Variants in OPHN1 observed in about 807,000 individuals in gnomAD.
OPHN1 encodes the protein oligophrenin-1.
In OPHN1, 11 loss-of-function variants were observed where a neutral mutation model predicts 60.7. The observed-to-expected ratio is 0.18, with a 90% CI of 0.11 to 0.30. OPHN1 has a LOEUF of 0.30. Ranked by LOEUF, OPHN1 falls within the 10% of genes least tolerant of loss-of-function variation. OPHN1 has a pLI of 1.00. For synonymous variants in OPHN1, 226 were observed against 222.6 expected (o/e 1.02, Z -0.14); for missense variants, 449 against 611.0 (o/e 0.73, Z 2.80).
At chrX:68,163,238 T>C (rs766279194) in intron 15 of OPHN1, among the ~76,000 whole-genome samples, 5 of 111,815 alleles carry the variant, frequency 4.5e-5, no homozygotes, top group Non-Finnish European at 9.4e-5. Flanking sequence ...TAAAGTACTC[T>C]ACCTTGGATC....
chrX:68,108,895 A>C (rs907459564), intron 18 of OPHN1, among the ~76,000 whole-genome samples: 1 of 111,595 alleles, frequency 9.0e-6, no homozygotes, highest in Non-Finnish European at 1.9e-5. Context: ...GTATATAAGG[A>C]GGTATACTTA....
chrX:68,131,780 T>C (rs1272990561), intron 15 of OPHN1, among the ~76,000 whole-genome samples: 1 of 112,169 alleles, frequency 8.9e-6, no homozygotes, highest in Non-Finnish European at 1.9e-5. Context: ...ATAGAGACTA[T>C]ACTTCTCAGT....
chrX:68,382,838 A>G (rs900498335), intron 2 of OPHN1, among the ~76,000 whole-genome samples: 2 of 111,906 alleles, frequency 1.8e-5, no homozygotes, highest in African/African-American at 6.5e-5. Context: ...GTATCTATAG[A>G]TGAGTTGCAA....
intron 21 of OPHN1, among the ~76,000 whole-genome samples, chrX:68,061,864 G>A (rs774048219): frequency 9.0e-6 from 1 of 111,263 alleles, no homozygotes; most frequent in South Asian, 3.9e-4. Flanking sequence ...CCTCCCATCC[G>A]CACACTGAAT....
chrX:68,353,438 G>T (rs900059908), intron 2 of OPHN1, among the ~76,000 whole-genome samples: 3 of 104,226 alleles, frequency 2.9e-5, no homozygotes, highest in Non-Finnish European at 5.9e-5. Context: ...AAAAGCCATG[G>T]TGGCGGGTGC....
chrX:68,393,507 T>G (rs1263688666), intron 2 of OPHN1, among the ~76,000 whole-genome samples: 1 of 111,565 alleles, frequency 9.0e-6, no homozygotes, highest in Non-Finnish European at 1.9e-5. Flanking sequence ...AGAGATTCTG[T>G]CAATTTCTAC....
At chrX:68,235,669 C>A (rs1484737883) in intron 5 of OPHN1, among the ~76,000 whole-genome samples, 1 of 104,399 alleles carries the variant, frequency 9.6e-6, no homozygotes, top group East Asian at 3.1e-4. Flanking sequence ...GAAACCCCAT[C>A]TCTACTAAAA....
chrX:68,214,431 A>C (rs942337686), intron 6 of OPHN1, among the ~76,000 whole-genome samples: 1 of 112,189 alleles, frequency 8.9e-6, no homozygotes, highest in African/African-American at 3.2e-5. Context: ...ATTTAACAAG[A>C]AATGGTAAAA....
intron 11 of OPHN1, 53 bp downstream of exon 11, chrX:68,201,566 G>A: frequency 9.9e-7 from 1 of 1,011,945 alleles, no homozygotes; most frequent in South Asian, 1.9e-5. Flanking sequence ...GACCTACCCA[G>A]GCTAAGCATC....
Position 68,170,007 on chromosome X carries a change from G to A in OPHN1, c.1276+22912C>T, listed in dbSNP as rs1237250762. Among the ~76,000 whole-genome samples, 61 of 107,739 alleles carry A rather than the reference G, an allele frequency of 5.7e-4. 1 individual carries two copies. Among genetic ancestry groups the A allele is most frequent in the African/African-American group, 2.0e-3 (58 of 28,846 alleles). 93.6% of individuals were successfully genotyped at this position (107,739 alleles called of 115,157 possible). The stretch of plus-strand genomic sequence containing the variant: ...GAGCGAACAGGCAACCTACAAAATG[G>A]GAGAAAATTTTCACAACCTACTCAT... On this transcript the variant is annotated intron_variant, in intron 15 of 24. Coordinates refer to ENST00000355520, the MANE Select transcript of OPHN1 (RefSeq NM_002547.3).
At chrX:68,153,243 A>C (rs866211655) in intron 15 of OPHN1, among the ~76,000 whole-genome samples, 1 of 110,235 alleles carries the variant, frequency 9.1e-6, no homozygotes, top group Non-Finnish European at 1.9e-5. Flanking sequence ...AGAAAGAAAG[A>C]AAGCAAATGG....
chrX:68,063,543 T>C (rs2076901323), intron 21 of OPHN1, among the ~76,000 whole-genome samples: 1 of 110,605 alleles, frequency 9.0e-6, no homozygotes, highest in Non-Finnish European at 1.9e-5. Context: ...AAAGAAAATA[T>C]TAAGAATAAT....
chrX:68,207,527 T>A (rs1371192321), intron 9 of OPHN1, among the ~76,000 whole-genome samples: 1 of 111,455 alleles, frequency 9.0e-6, no homozygotes, highest in Non-Finnish European at 1.9e-5. Context: ...CCTTCTCTGA[T>A]TTCCCTATTG....
At chrX:68,290,203 T>TGGA (rs1434036508) in intron 3 of OPHN1, among the ~76,000 whole-genome samples, 3 of 111,647 alleles carry the variant, frequency 2.7e-5, no homozygotes, top group African/African-American at 9.8e-5. Flanking sequence ...CTCATGCCTA[T>TGGA]AATCCCTTCA....
rs1342435968 is a variant in OPHN1, at chrX:68,218,716, G to C, written c.487-4744C>G. Among the ~76,000 whole-genome samples the C allele has an allele frequency of 2.9e-4, 28 of 97,153 alleles. No individual in the cohort carries two copies. In the South Asian group the frequency reaches 0.016, roughly 54 times the overall value. The allele number at this position is 97,153 out of a possible 115,157, so 84.4% of individuals were successfully genotyped here. A position where few individuals can be genotyped will look rare whatever the true frequency, so the allele number is the denominator to read the frequency against. ...TGAAGGAGAAATAAAATACTTTACA[G>C]ACAAGCAAATGCTGAGAGATTTTGT... is the stretch of plus-strand genomic sequence containing the variant. On this transcript the variant is annotated intron_variant, in intron 6 of 24. Transcript: ENST00000355520.
intron 18 of OPHN1, among the ~76,000 whole-genome samples, chrX:68,102,497 T>A (rs1212953231): frequency 9.0e-6 from 1 of 110,690 alleles, no homozygotes; most frequent in Non-Finnish European, 1.9e-5. Flanking sequence ...ACTGAAAAGC[T>A]AGCAGAACAC....
At chrX:68,055,563 G>C (rs1172088919) in intron 21 of OPHN1, among the ~76,000 whole-genome samples, 2 of 111,812 alleles carry the variant, frequency 1.8e-5, no homozygotes, top group Non-Finnish European at 3.8e-5. Flanking sequence ...CAAGGATCTA[G>C]AACTAGAAAT....
intron 2 of OPHN1, among the ~76,000 whole-genome samples, chrX:68,311,623 G>C (rs935933403): frequency 9.0e-6 from 1 of 111,450 alleles, no homozygotes; most frequent in Admixed American, 9.6e-5. Context: ...AGTAGAGACG[G>C]GGTTTCACCA....
intron 6 of OPHN1, among the ~76,000 whole-genome samples, chrX:68,224,373 T>C (rs1423022843): frequency 9.0e-6 from 1 of 111,299 alleles, no homozygotes; most frequent in Non-Finnish European, 1.9e-5. Flanking sequence ...CAAAGAAAAG[T>C]AAGGCTGGGC....
Sources: allele counts gnomAD v4.1 joint callset (sites outside exome capture counted in the v4.1 genomes callset), GRCh38; gene constraint gnomAD v4.1.1; transcripts MANE v1.5; gene names NCBI Gene and HGNC (gene_info 2026-07-23, HGNC 2026-07-21).